Variants in PARD3 observed in about 807,000 individuals in gnomAD.
PARD3 encodes partitioning defective 3 homolog.
A neutral mutation model predicts 155.4 loss-of-function variants in PARD3; 75 were observed. That is an observed-to-expected ratio of 0.48 (90% confidence interval 0.40 to 0.58). The LOEUF is 0.58. Among genes scored for constraint, PARD3 ranks in the 20% least tolerant of loss-of-function variants. The pLI is 0.00. For synonymous variants in PARD3, 576 were observed against 610.5 expected (o/e 0.94, Z 0.83); for missense variants, 1,642 against 1,721.7 (o/e 0.95, Z 0.82).
intron 5 of PARD3, among the ~76,000 whole-genome samples, chr10:34,403,436 A>T (rs1844111552): frequency 6.6e-6 from 1 of 152,246 alleles, no homozygotes; most frequent in South Asian, 2.1e-4. Context: ...AACAACAGAT[A>T]AGCAAGAGTT....
At chr10:34,170,789 T>C (rs981653550) in intron 22 of PARD3, among the ~76,000 whole-genome samples, 1 of 152,206 alleles carries the variant, frequency 6.6e-6, no homozygotes, top group African/African-American at 2.4e-5. Flanking sequence ...AAAAACACCA[T>C]CTAGACTAGT....
intron 2 of PARD3, among the ~76,000 whole-genome samples, chr10:34,544,946 G>C (rs1037661727): frequency 6.6e-6 from 1 of 152,142 alleles, no homozygotes; most frequent in Admixed American, 6.5e-5. Context: ...ACAAGCCACA[G>C]GCAAGAACAC....
intron 21 of PARD3, among the ~76,000 whole-genome samples, chr10:34,273,928 C>A (rs950958395): frequency 2.0e-5 from 3 of 152,130 alleles, no homozygotes; most frequent in Non-Finnish European, 4.4e-5. Flanking sequence ...TGTTTCTCAA[C>A]AGGACCCAAT....
chr10:34,157,811 G>A (rs775548199), intron 22 of PARD3, among the ~76,000 whole-genome samples: 1 of 152,128 alleles, frequency 6.6e-6, no homozygotes, highest in Non-Finnish European at 1.5e-5. Flanking sequence ...GACAAAACAA[G>A]CATAATACTG....
intron 3 of PARD3, among the ~76,000 whole-genome samples, chr10:34,482,985 C>T (rs1175245828): frequency 6.9e-6 from 1 of 145,422 alleles, no homozygotes; most frequent in Non-Finnish European, 1.5e-5. Flanking sequence ...CCTGTCTCTA[C>T]TAAAAATACA....
chr10:34,177,803 A>T lies in PARD3; in HGVS notation c.3420-46220T>A, dbSNP rs150301941. Among the ~76,000 whole-genome samples the T allele has an allele frequency of 7.5e-4, 114 of 152,338 alleles. 2 individuals are homozygous for T. The highest frequency in any genetic ancestry group is 6.8e-3 in the Middle Eastern group (2 of 294). On this transcript the variant is annotated intron_variant, in intron 22 of 24. Coordinates refer to ENST00000374788, the MANE Select transcript of PARD3 (RefSeq NM_001184785.2). ...GCTCATATCCGCCCTTCCAGTTACC[A>T]GAGAGACACCAGAAAGTGGGGGTCC...
At chr10:34,206,181 G>A (rs958041525) in intron 22 of PARD3, among the ~76,000 whole-genome samples, 4 of 152,250 alleles carry the variant, frequency 2.6e-5, no homozygotes, top group Non-Finnish European at 4.4e-5. Flanking sequence ...AGGTGTGGAA[G>A]GTGGCTGCTG....
intron 22 of PARD3, among the ~76,000 whole-genome samples, chr10:34,217,261 G>A (rs939957056): frequency 1.3e-4 from 20 of 152,008 alleles, no homozygotes; most frequent in African/African-American, 4.8e-4. Flanking sequence ...TCCAGGAAGG[G>A]AGAACTAGAT....
intron 22 of PARD3, among the ~76,000 whole-genome samples, chr10:34,253,733 G>C (rs1265917083): frequency 2.6e-5 from 4 of 152,122 alleles, no homozygotes; most frequent in Admixed American, 6.6e-5. Flanking sequence ...GGCTTTTCAG[G>C]GCAAGAGGTA....
chr10:34,276,209 CTTG>C (rs1300807813), intron 21 of PARD3, among the ~76,000 whole-genome samples: 4 of 150,840 alleles, frequency 2.7e-5, no homozygotes, highest in African/African-American at 7.3e-5. Flanking sequence ...ATCATTTCAA[CTTG>C]TTATGTTCAA....
chr10:34,725,025 C>A (rs982790706), intron 1 of PARD3, among the ~76,000 whole-genome samples: 1 of 151,970 alleles, frequency 6.6e-6, no homozygotes, highest in Non-Finnish European at 1.5e-5. Flanking sequence ...TCTCTCTGCC[C>A]GTTTCCCTCA....
rs141102529 is a variant in PARD3, at chr10:34,763,527, A to T, written c.120+51349T>A. Among the ~76,000 whole-genome samples, 378 of 152,326 alleles carry T rather than the reference A, an allele frequency of 2.5e-3. 1 individual carries two copies. Among genetic ancestry groups the T allele is most frequent in the Non-Finnish European group, 4.2e-3 (289 of 68,016 alleles). On this transcript the variant is annotated intron_variant, in intron 1 of 24. Coordinates refer to ENST00000374788, the MANE Select transcript of PARD3 (RefSeq NM_001184785.2). ...AATCTGTAATTATTTCAAAATTAAA[A>T]GAAAAAATAGAGATGTTGAGTCATA...
At chr10:34,561,888 T>C (rs1378850358) in intron 2 of PARD3, among the ~76,000 whole-genome samples, 3 of 151,126 alleles carry the variant, frequency 2.0e-5, no homozygotes. Context: ...TCCTAGCACT[T>C]TGGGAGGCCA....
At chr10:34,478,333 T>C (rs763557830) in intron 3 of PARD3, among the ~76,000 whole-genome samples, 13 of 152,202 alleles carry the variant, frequency 8.5e-5, no homozygotes, top group Admixed American at 1.3e-4. Flanking sequence ...TACTTGGTAA[T>C]TGACTCTGTG....
rs575757963 is a variant in PARD3, at chr10:34,558,946, T to TGTAA, written c.223-41791_223-41788dup. Among the ~76,000 whole-genome samples, 151 of 152,198 alleles carry TGTAA rather than the reference T, an allele frequency of 9.9e-4. No homozygotes were observed. The East Asian group carries it at 0.014, about 14-fold the overall frequency. Reference sequence around the variant, plus strand: ...TGGGCGACAGAGTGAGACCCGGTCTTGTAAGTAAGTAAGTAAGTAAGTAAA... The same window carrying TGTAA: ...TGGGCGACAGAGTGAGACCCGGTCTTGTAAGTAAGTAAGTAAGTAAGTAAGTAAA... On this transcript the variant is annotated intron_variant, in intron 2 of 24. Coordinates refer to ENST00000374788, the MANE Select transcript of PARD3 (RefSeq NM_001184785.2).
At chr10:34,388,028 A>G (rs989201030) in intron 7 of PARD3, among the ~76,000 whole-genome samples, 1 of 152,200 alleles carries the variant, frequency 6.6e-6, no homozygotes, top group African/African-American at 2.4e-5. Context: ...CATTGTTATA[A>G]GTCATGAAAA....
intron 2 of PARD3, among the ~76,000 whole-genome samples, chr10:34,566,621 AAT>A (rs1468763923): frequency 6.6e-6 from 1 of 152,226 alleles, no homozygotes; most frequent in African/African-American, 2.4e-5. Context: ...GCAGGTTTTA[AAT>A]ATGTGAGTTT....
chr10:34,163,815 A>G (rs1197456943), intron 22 of PARD3, among the ~76,000 whole-genome samples: 3 of 152,218 alleles, frequency 2.0e-5, no homozygotes, highest in African/African-American at 7.2e-5. Context: ...AGGATGTTTT[A>G]CAGCAAGGAT....
At chr10:34,269,313 G>A (rs1955498331) in intron 22 of PARD3, among the ~76,000 whole-genome samples, 1 of 152,102 alleles carries the variant, frequency 6.6e-6, no homozygotes, top group Non-Finnish European at 1.5e-5. Flanking sequence ...CACACCTAGA[G>A]GCTCTCCTAG....
Sources: gnomAD v4.1 joint callset for allele counts (sites outside exome capture counted in the v4.1 genomes callset) on GRCh38, gnomAD v4.1.1 for gene constraint, MANE v1.5 for transcripts, NCBI Gene and HGNC (gene_info 2026-07-23, HGNC 2026-07-21) for gene names.